The following PDLIM5 variants were observed in gnomAD, a reference collection of about 807,000 sequenced individuals.
PDLIM5 encodes the protein PDZ and LIM domain protein 5.
PDLIM5 carries 34 observed loss-of-function variants against 64.2 expected under a neutral mutation model. The ratio of observed to expected loss-of-function variants is 0.53; its 90% CI spans 0.40 to 0.71. The LOEUF (loss-of-function observed/expected upper bound fraction) is 0.71. PDLIM5 is among the 30% of genes least tolerant of loss of function. PDLIM5 has a pLI of 0.00. For missense variants in PDLIM5, 683 were observed against 733.6 expected (o/e 0.93, Z 0.80); for synonymous variants, 253 against 269.1 (o/e 0.94, Z 0.59).
chr4:94,601,925 A>T (rs1267202749), intron 7 of PDLIM5, among the ~76,000 whole-genome samples: 2 of 152,240 alleles, frequency 1.3e-5, no homozygotes, highest in Non-Finnish European at 2.9e-5. Flanking sequence ...TCAGGAAGCC[A>T]GCAGAAAATA....
At chr4:94,530,639 ACTGT>A (rs1730789545) in intron 3 of PDLIM5, among the ~76,000 whole-genome samples, 9 of 151,680 alleles carry the variant, frequency 5.9e-5, no homozygotes, top group Admixed American at 4.6e-4. Context: ...AACTTCATTT[ACTGT>A]CTAACTTGTT....
intron 7 of PDLIM5, among the ~76,000 whole-genome samples, chr4:94,601,582 C>T (rs1354528160): frequency 2.0e-5 from 3 of 152,122 alleles, no homozygotes; most frequent in African/African-American, 7.2e-5. Context: ...AAAAAATCAA[C>T]CTCATTTTGG....
Position 94,524,414 on chromosome 4 carries a change from G to A in PDLIM5, c.248+539G>A, listed in dbSNP as rs368531477. On this transcript the variant is annotated intron_variant, in intron 3 of 12. Transcript: ENST00000317968. ...AAAAAATTGTGTATACAGCTTCAGA[G>A]AATTCAGGAATTCTTGAAATTTCTC... 2.7e-5 allele frequency among the ~76,000 whole-genome samples: 4 copies of A among 148,488 alleles called. No homozygotes were observed. The East Asian group carries it at 5.9e-4, about 22-fold the overall frequency.
chr4:94,555,333 G>C (rs1733193024), intron 3 of PDLIM5, among the ~76,000 whole-genome samples: 1 of 152,212 alleles, frequency 6.6e-6, no homozygotes, highest in Admixed American at 6.5e-5. Context: ...GGGATTACAG[G>C]CATGAGCCAC....
intron 5 of PDLIM5, among the ~76,000 whole-genome samples, chr4:94,578,480 C>G (rs1735467447): frequency 6.6e-6 from 1 of 152,104 alleles, no homozygotes; most frequent in Non-Finnish European, 1.5e-5. Context: ...AGCTTGATTT[C>G]AAGTGTCTAG....
chr4:94,655,051 C>G (rs1742107446), intron 10 of PDLIM5, among the ~76,000 whole-genome samples: 1 of 152,142 alleles, frequency 6.6e-6, no homozygotes, highest in Non-Finnish European at 1.5e-5. Flanking sequence ...TATTTCCCTA[C>G]TTGTCAGAGT....
At chr4:94,478,713 A>G (rs1725553524) in intron 2 of PDLIM5, among the ~76,000 whole-genome samples, 1 of 152,154 alleles carries the variant, frequency 6.6e-6, no homozygotes, top group Admixed American at 6.6e-5. Flanking sequence ...TACTATTACA[A>G]ATGTACAGGT....
At chr4:94,534,888 A>G (rs1731185916) in intron 3 of PDLIM5, among the ~76,000 whole-genome samples, 1 of 152,212 alleles carries the variant, frequency 6.6e-6, no homozygotes, top group Non-Finnish European at 1.5e-5. Flanking sequence ...TCTGTTTCAT[A>G]TTCAGATGGA....
chr4:94,568,358 T>C (rs1261488843), intron 3 of PDLIM5, among the ~76,000 whole-genome samples: 1 of 152,206 alleles, frequency 6.6e-6, no homozygotes, highest in East Asian at 1.9e-4. Context: ...ATAATAAAAT[T>C]TGCCATTTCT....
intron 3 of PDLIM5, among the ~76,000 whole-genome samples, chr4:94,544,965 A>G (rs1352836768): frequency 6.6e-6 from 1 of 152,212 alleles, no homozygotes; most frequent in Non-Finnish European, 1.5e-5. Context: ...TACTTTGGCA[A>G]CAGCATAGGC....
At chr4:94,566,127 G>A (rs1734295059) in intron 3 of PDLIM5, among the ~76,000 whole-genome samples, 2 of 152,182 alleles carry the variant, frequency 1.3e-5, no homozygotes, top group South Asian at 4.1e-4. Flanking sequence ...AAGGCAGCCA[G>A]AAGGTAGAAT....
At chr4:94,611,156 G>T (rs768079178) in intron 7 of PDLIM5, 1 of 1,534,886 alleles carries the variant, frequency 6.5e-7, no homozygotes, top group South Asian at 1.2e-5. Context: ...CCTATCTGCA[G>T]TCCTCAAGGA....
intron 3 of PDLIM5, among the ~76,000 whole-genome samples, chr4:94,562,253 A>G (rs1733912807): frequency 1.3e-5 from 2 of 152,068 alleles, no homozygotes; most frequent in Non-Finnish European, 2.9e-5. Flanking sequence ...AGGCTTATAT[A>G]TTCAGTTTTT....
At chr4:94,553,250 A>C (rs1286868128) in intron 3 of PDLIM5, among the ~76,000 whole-genome samples, 1 of 152,026 alleles carries the variant, frequency 6.6e-6, no homozygotes, top group Non-Finnish European at 1.5e-5. Context: ...CTGGGATTAC[A>C]GGTGCATGCC....
chr4:94,553,399 G>A (rs1475926690), intron 3 of PDLIM5, among the ~76,000 whole-genome samples: 1 of 152,130 alleles, frequency 6.6e-6, no homozygotes, highest in Non-Finnish European at 1.5e-5. Flanking sequence ...GTGAGCCACC[G>A]CACCCAGCCA....
chr4:94,663,021 G>T (rs529233915), intron 12 of PDLIM5, among the ~76,000 whole-genome samples: 1 of 152,088 alleles, frequency 6.6e-6, no homozygotes, highest in Non-Finnish European at 1.5e-5. Context: ...TCCAATAAAC[G>T]TGATAAAGTA....
Position 94,530,586 on chromosome 4 carries a change from G to A in PDLIM5, c.248+6711G>A, listed in dbSNP as rs953741936. 2.7e-5 allele frequency among the ~76,000 whole-genome samples: 4 copies of A among 147,926 alleles called. No individual in the cohort carries two copies. The East Asian group carries it at 7.9e-4, about 29-fold the overall frequency. On this transcript the variant is annotated intron_variant, in intron 3 of 12. Coordinates refer to ENST00000317968, the MANE Select transcript of PDLIM5 (RefSeq NM_006457.5). ...TCCTTGTTTTTATATTACTAGTAGT[G>A]GCATGTCTGTGGTTTTTTAAAATTT...
intron 2 of PDLIM5, among the ~76,000 whole-genome samples, chr4:94,497,867 C>T (rs1371873532): frequency 1.3e-5 from 2 of 152,072 alleles, no homozygotes; most frequent in East Asian, 1.9e-4. Context: ...TGGGTAGCTA[C>T]GTGCTGGACA....
intron 2 of PDLIM5, among the ~76,000 whole-genome samples, chr4:94,488,783 G>A (rs556382503): frequency 6.2e-4 from 94 of 152,288 alleles, no homozygotes; most frequent in African/African-American, 2.2e-3. Flanking sequence ...GTTCCTGGTT[G>A]AGCATGTGTT....
Sources: allele counts gnomAD v4.1 joint callset (sites outside exome capture counted in the v4.1 genomes callset), GRCh38; gene constraint gnomAD v4.1.1; transcripts MANE v1.5; gene names NCBI Gene and HGNC (gene_info 2026-07-23, HGNC 2026-07-21).